KIF24: variants seen among roughly 807,000 people sequenced by gnomAD.
The protein encoded by KIF24 is kinesin-like protein KIF24.
In KIF24, 81 loss-of-function variants were observed where a neutral mutation model predicts 118.9. The observed-to-expected ratio is 0.68, with a 90% CI of 0.57 to 0.82. The LOEUF is 0.82. Among genes scored for constraint, KIF24 ranks in the 40% least tolerant of loss-of-function variants. KIF24 has a pLI of 0.00. For missense variants in KIF24, 1,560 were observed against 1,661.6 expected (o/e 0.94, Z 1.06); for synonymous variants, 599 against 610.0 (o/e 0.98, Z 0.27).
chr9:34,289,241 G>A (rs1836164147), intron 5 of KIF24, among the ~76,000 whole-genome samples: 1 of 152,136 alleles, frequency 6.6e-6, no homozygotes, highest in Non-Finnish European at 1.5e-5. Context: ...GTACCCTACT[G>A]ACCCTCTACA....
intron 8 of KIF24, among the ~76,000 whole-genome samples, chr9:34,264,949 G>C (rs1003408948): frequency 2.5e-4 from 38 of 152,130 alleles, no homozygotes; most frequent in African/African-American, 9.2e-4. Flanking sequence ...GTGATCTTGA[G>C]GATGCCGTTA....
chr9:34,318,497 A>T lies in KIF24; in HGVS notation c.-25-7126T>A. 3 of 840,066 alleles carry T rather than the reference A, an allele frequency of 3.6e-6. No individual in the cohort carries two copies. The highest frequency in any genetic ancestry group is 5.9e-6 in the Non-Finnish European group (3 of 506,168). The allele number at this position is 840,066 out of a possible 1,614,324, so 52.0% of individuals were successfully genotyped here. On this transcript the variant is annotated intron_variant, in intron 1 of 12. Coordinates refer to ENST00000402558, the MANE Select transcript of KIF24 (RefSeq NM_194313.4). The surrounding 1 kb of genome is among the most constrained non-coding windows in gnomAD (Gnocchi z 4.9). ...ACCTGCAGCCACAGCAGCTCCTGGC[A>T]CCGCAGAGAAGCTGAGCCCCAAGGC...
chr9:34,295,621 T>A (rs1413299117), intron 4 of KIF24, among the ~76,000 whole-genome samples: 1 of 152,132 alleles, frequency 6.6e-6, no homozygotes, highest in African/African-American at 2.4e-5. Context: ...GAAGTTGCAG[T>A]GAGCCAAGAT....
At position 34,318,346 on chromosome 9, in the gene KIF24, C is replaced by T. The variant is rs1837396252; in HGVS notation, c.-25-6975G>A. Reference sequence around the variant, plus strand: ...GCCAGCCCAGCCCAACCCAGCCCAACCCAGCTTGACCTAGCCCTGACAGGT... The same window carrying T: ...GCCAGCCCAGCCCAACCCAGCCCAATCCAGCTTGACCTAGCCCTGACAGGT... On this transcript the variant is annotated intron_variant, in intron 1 of 12. Transcript: ENST00000402558. This position sits in a 1 kb window ranked among gnomAD's most constrained non-coding sequence, Gnocchi z 4.9. The T allele has an allele frequency of 2.3e-6, 1 of 440,828 alleles. No individual in the cohort carries two copies. Among genetic ancestry groups the T allele is most frequent in the African/African-American group, 2.0e-5 (1 of 49,404 alleles). 27.3% of individuals were successfully genotyped at this position (440,828 alleles called of 1,614,324 possible).
chr9:34,256,945 G>C lies in KIF24; in HGVS notation c.2662C>G (p.Leu888Val), dbSNP rs747246505. 12 of 1,613,978 alleles carry C rather than the reference G, an allele frequency of 7.4e-6. No individual in the cohort carries two copies. The highest frequency in any genetic ancestry group is 1.0e-5 in the Non-Finnish European group (12 of 1,179,902). The change falls in exon 11 of 13, where the codon CTA becomes GTA. Residue 888 changes from leucine to valine, a missense_variant. Leu to Val is a conservative substitution (Grantham distance 32). Around this residue, in one of 3 missense-constraint regions of KIF24, gnomAD observed 591 missense variants for 655.6 expected, o/e 0.90. Transcript: ENST00000402558. ...CTGGAGTCCACCCAGCTTTTAGTTAGATCTTTCTTGTCACCTGTCCTGGGG... is the reference window on the plus strand; with the variant it reads ...CTGGAGTCCACCCAGCTTTTAGTTACATCTTTCTTGTCACCTGTCCTGGGG... ...SSPRTGDKKD[L>V]TKSWVDSRDP...
Position 34,269,345 on chromosome 9 carries a change from A to T in KIF24, c.1355T>A (p.Leu452Ter), listed in dbSNP as rs769159809. The T allele has an allele frequency of 3.8e-6, 6 of 1,594,802 alleles. No homozygotes were observed. Among genetic ancestry groups the T allele is most frequent in the Admixed American group, 3.4e-5 (2 of 59,626 alleles). ...RTFGRISFID[L>*]AGSERAADAR... ...ATCTGCTGCTCTTTCACTGCCAGCC[A>T]AGTCAATAAAAGAGATCCTAGAGAA... The change falls in exon 8 of 13, where the codon TTG becomes TAG. Residue 452 changes from leucine (L) to a stop codon, truncating the protein, a stop_gained. Transcript: ENST00000402558. LOFTEE classifies it high-confidence loss of function.
intron 4 of KIF24, among the ~76,000 whole-genome samples, chr9:34,290,655 A>G (rs1419497825): frequency 6.7e-6 from 1 of 149,626 alleles, no homozygotes; most frequent in Admixed American, 6.7e-5. Context: ...GCTGGAGTGC[A>G]GTGGTGTGAT....
At chr9:34,299,673 T>C (rs1052807634) in intron 3 of KIF24, among the ~76,000 whole-genome samples, 2 of 152,122 alleles carry the variant, frequency 1.3e-5, no homozygotes, top group Non-Finnish European at 2.9e-5. Context: ...GGGACACTTG[T>C]ATTTTACACT....
At position 34,296,780 on chromosome 9, in the gene KIF24, T is replaced by C. The variant is rs375294417; in HGVS notation, c.911+237A>G. 7.9e-5 allele frequency among the ~76,000 whole-genome samples: 12 copies of C among 152,168 alleles called. 1 individual carries two copies. The South Asian group carries it at 2.5e-3, about 32-fold the overall frequency. Reference sequence around the variant, plus strand: ...TATCTATCACAATATATTTTTCCACTAGACACAGAGAAATAATATCATCAA... The same window carrying C: ...TATCTATCACAATATATTTTTCCACCAGACACAGAGAAATAATATCATCAA... On this transcript the variant is annotated intron_variant, in intron 4 of 12. Transcript: ENST00000402558.
At chr9:34,261,170 A>G (rs575891863) in intron 9 of KIF24, among the ~76,000 whole-genome samples, 1 of 152,288 alleles carries the variant, frequency 6.6e-6, no homozygotes, top group East Asian at 1.9e-4. Flanking sequence ...CTCTAGCTGC[A>G]CAGAATAAAA....
chr9:34,270,895 A>G (rs1275154454), intron 7 of KIF24, among the ~76,000 whole-genome samples: 2 of 149,116 alleles, frequency 1.3e-5, no homozygotes, highest in Non-Finnish European at 3.0e-5. Flanking sequence ...GGGGTGACAG[A>G]TGTCGCAGCC....
At chr9:34,281,061 T>C (rs568854730) in intron 6 of KIF24, among the ~76,000 whole-genome samples, 1 of 152,340 alleles carries the variant, frequency 6.6e-6, no homozygotes, top group Admixed American at 6.5e-5. Flanking sequence ...AGTCTTGCTC[T>C]GTTGCCTAGG....
chr9:34,304,690 T>C (rs570040100), intron 3 of KIF24, among the ~76,000 whole-genome samples: 57 of 152,294 alleles, frequency 3.7e-4, no homozygotes, highest in Middle Eastern at 3.4e-3. Flanking sequence ...GGTTTTACAG[T>C]GGCCTAGTAA....
intron 9 of KIF24, among the ~76,000 whole-genome samples, 199 bp from the exon 10 acceptor site, chr9:34,259,904 C>G (rs923598432): frequency 1.3e-5 from 2 of 152,056 alleles, no homozygotes; most frequent in African/African-American, 4.8e-5. Flanking sequence ...AAAATGCAAA[C>G]AAACCATTAA....
chr9:34,288,848 CCACACACACACACACACACACACACA>C (rs10537521), intron 5 of KIF24, among the ~76,000 whole-genome samples: 8 of 138,902 alleles, frequency 5.8e-5, no homozygotes, highest in African/African-American at 1.4e-4. Context: ...CCCAAATAAA[CCACACACACACACACACACACACACA>C]CACACACACA....
At position 34,255,772 on chromosome 9, in the gene KIF24, C is replaced by T; in HGVS notation, c.3835G>A (p.Ala1279Thr). The T allele has an allele frequency of 1.2e-6, 2 of 1,613,622 alleles. No homozygotes were observed. Among genetic ancestry groups the T allele is most frequent in the Non-Finnish European group, 1.7e-6 (2 of 1,179,666 alleles). ...PLVPSCSPKT[A>T]GTLRQPTLEQ... ...AGGGTGGGCTGACGGAGTGTCCCTG[C>T]AGTCTTGGGAGAGCAGCTGGGAACC... The change falls in exon 11 of 13, where the codon GCA becomes ACA. Residue 1279 changes from alanine to threonine, a missense_variant. By Grantham distance (58) the Ala-to-Thr change is moderately conservative. Coordinates refer to ENST00000402558, the MANE Select transcript of KIF24 (RefSeq NM_194313.4).
chr9:34,303,343 G>C (rs1032150418), intron 3 of KIF24, among the ~76,000 whole-genome samples: 1 of 152,186 alleles, frequency 6.6e-6, no homozygotes, highest in African/African-American at 2.4e-5. Context: ...AAAAAAGTAT[G>C]TGTATTATTT....
At chr9:34,316,463 A>G (rs1204989220) in intron 1 of KIF24, among the ~76,000 whole-genome samples, 1 of 152,176 alleles carries the variant, frequency 6.6e-6, no homozygotes, top group Non-Finnish European at 1.5e-5. Flanking sequence ...ATTCTTTACG[A>G]GTCCCATCAC....
rs1365629888 is a variant in KIF24, at chr9:34,257,936, G to C, written c.1671C>G (p.Thr557=). The C allele has an allele frequency of 6.2e-7, 1 of 1,613,622 alleles. No individual in the cohort carries two copies. Among genetic ancestry groups the C allele is most frequent in the Non-Finnish European group, 8.5e-7 (1 of 1,179,724 alleles). ...KKGIKCCTSV[T]SRNRTSGNSS... ...AGTTTCCAGATGTCCGATTTCGACT[G>C]GTAACTGAAGTGCAACACTTAATGC... is the stretch of plus-strand genomic sequence containing the variant. Residue 557 remains threonine (T), a synonymous_variant, in exon 11 of 13, where the codon ACC becomes ACG. Transcript: ENST00000402558.
Sources: gnomAD v4.1 joint callset for allele counts (sites outside exome capture counted in the v4.1 genomes callset) on GRCh38, gnomAD v4.1.1 for gene constraint, gnomAD v4.1.1 regional missense constraint, Gnocchi (gnomAD v3.1) non-coding constraint, MANE v1.5 for transcripts, NCBI Gene and HGNC (gene_info 2026-07-23, HGNC 2026-07-21) for gene names.